The following HSPA4 variants were observed in gnomAD, a reference collection of about 807,000 sequenced individuals.
HSPA4 encodes heat shock 70 kDa protein 4.
Under a neutral mutation model 106.2 loss-of-function variants are expected in HSPA4, and 25 were observed. The ratio of observed to expected loss-of-function variants is 0.24; its 90% CI spans 0.17 to 0.33. HSPA4 has a LOEUF of 0.33. Ranked by LOEUF, HSPA4 falls within the 10% of genes least tolerant of loss-of-function variation. HSPA4 has a pLI of 1.00. For missense variants in HSPA4, 841 were observed against 996.0 expected, an observed-to-expected ratio of 0.84 and a Z score of 2.10; for synonymous variants, 332 against 333.6, an observed-to-expected ratio of 1.00 and a Z score of 0.05.
intron 1 of HSPA4, chr5:133,052,901 C>G (rs1408596427): frequency 6.5e-6 from 1 of 152,704 alleles, no homozygotes; most frequent in African/African-American, 2.4e-5. Context: ...GCACGGGTTC[C>G]GGATGGACTC....
intron 14 of HSPA4, among the ~76,000 whole-genome samples, chr5:133,096,932 G>A (rs1765719808): frequency 1.3e-5 from 2 of 151,874 alleles, no homozygotes; most frequent in South Asian, 2.1e-4. Context: ...TTGCTTTTGA[G>A]TGTCTACACC....
intron 2 of HSPA4, among the ~76,000 whole-genome samples, chr5:133,066,736 CTTTTTTTTT>C (rs58483780): frequency 5.4e-5 from 7 of 129,424 alleles, no homozygotes; most frequent in Non-Finnish European, 1.2e-4. Context: ...TTTCTTTTTT[CTTTTTTTTT>C]TTTTTTTTGA....
intron 1 of HSPA4, among the ~76,000 whole-genome samples, chr5:133,061,899 G>T (rs1765248952): frequency 6.6e-6 from 1 of 152,318 alleles, no homozygotes; most frequent in East Asian, 1.9e-4. Flanking sequence ...CTCCCTAAGT[G>T]CTGGGATTAC....
chr5:133,098,626 C>T (rs186531299), intron 15 of HSPA4, among the ~76,000 whole-genome samples: 1 of 151,286 alleles, frequency 6.6e-6, no homozygotes. Flanking sequence ...CCCGGTCTAC[C>T]ATGTTTTCTT....
chr5:133,093,410 A>G (rs1343379538), intron 13 of HSPA4, among the ~76,000 whole-genome samples: 1 of 152,204 alleles, frequency 6.6e-6, no homozygotes, highest in Non-Finnish European at 1.5e-5. Context: ...CTTTCTACCC[A>G]TAATTTAATT....
At chr5:133,067,009 GC>G (rs1765315819) in intron 2 of HSPA4, among the ~76,000 whole-genome samples, 1 of 152,108 alleles carries the variant, frequency 6.6e-6, no homozygotes, top group Non-Finnish European at 1.5e-5. Context: ...ATGACACCCG[GC>G]CTTAACTAGA....
chr5:133,065,465 G>A (rs1765295538), intron 2 of HSPA4, among the ~76,000 whole-genome samples: 2 of 152,168 alleles, frequency 1.3e-5, no homozygotes, highest in Non-Finnish European at 2.9e-5. Context: ...CTAATTCAAG[G>A]AGTGCCCTGG....
chr5:133,087,397 C>CT (rs148880703), intron 8 of HSPA4, among the ~76,000 whole-genome samples: 3,448 of 152,280 alleles, frequency 0.023, 128 homozygotes, highest in African/African-American at 0.075. Context: ...ATACTGTCAG[C>CT]TTGGCACAGG....
chr5:133,069,109 G>A (rs139969425), intron 3 of HSPA4, among the ~76,000 whole-genome samples: 28 of 152,280 alleles, frequency 1.8e-4, no homozygotes, highest in African/African-American at 5.8e-4. Flanking sequence ...ATTGTAATTT[G>A]GGAATATGGG....
In HSPA4 at chr5:133,076,567, A is replaced by G; in HGVS notation, c.664-87A>G. On this transcript the variant is annotated intron_variant, in intron 6 of 18. Coordinates refer to ENST00000304858, the MANE Select transcript of HSPA4 (RefSeq NM_002154.4). The stretch of plus-strand genomic sequence containing the variant: ...AATGTAACCCTCCCTCTTTTTTTTT[A>G]GATAAACAACTTACCAGGTAAATAT... 4 of 1,180,394 alleles carry G rather than the reference A, an allele frequency of 3.4e-6. No homozygotes were observed. The East Asian group carries it at 9.7e-5, about 29-fold the overall frequency. 73.1% of individuals were successfully genotyped at this position (1,180,394 alleles called of 1,614,324 possible).
chr5:133,098,932 G>A (rs563198085), intron 15 of HSPA4, among the ~76,000 whole-genome samples: 59 of 152,232 alleles, frequency 3.9e-4, no homozygotes, highest in African/African-American at 1.3e-3. Context: ...GCCTCCCAAA[G>A]TGCTGGGATT....
chr5:133,055,995 T>G (rs1327978887), intron 1 of HSPA4, among the ~76,000 whole-genome samples: 1 of 152,140 alleles, frequency 6.6e-6, no homozygotes, highest in Non-Finnish European at 1.5e-5. Context: ...GAAGAATCGC[T>G]TGAACCTGGT....
At chr5:133,082,562 T>G (rs1187701522) in intron 7 of HSPA4, among the ~76,000 whole-genome samples, 2 of 152,042 alleles carry the variant, frequency 1.3e-5, no homozygotes, top group African/African-American at 4.8e-5. Flanking sequence ...CTCTCTCGGG[T>G]TCTAGAGATC....
At chr5:133,097,136 AT>A in intron 14 of HSPA4, 24 bp from the exon 15 acceptor site, 1 of 1,592,978 alleles carries the variant, frequency 6.3e-7, no homozygotes, top group Non-Finnish European at 8.6e-7. Context: ...CTAATGTCTG[AT>A]TTATACATAA....
rs34412692 is a variant in HSPA4, at chr5:133,097,277, G to A, written c.1920G>A (p.Val640=). Residue 640 remains valine (V), a synonymous_variant, in exon 15 of 19, where the codon GTG becomes GTA. Transcript: ENST00000304858. ...TTAGTGGTGAATATGAGAAGTTTGTGAGTGAAGATGTAAGTCTGCCACAAT... is the reference window on the plus strand; with the variant it reads ...TTAGTGGTGAATATGAGAAGTTTGTAAGTGAAGATGTAAGTCTGCCACAAT... ...DKLSGEYEKF[V]SEDDRNSFTL... The A allele has an allele frequency of 2.7e-4, 441 of 1,612,608 alleles. 1 individual carries two copies. In the African/African-American group the frequency reaches 5.0e-3, roughly 18 times the overall value.
intron 1 of HSPA4, among the ~76,000 whole-genome samples, chr5:133,055,079 C>T (rs920850800): frequency 7.9e-5 from 12 of 152,250 alleles, no homozygotes; most frequent in Non-Finnish European, 1.5e-4. Context: ...AAATTTGCCT[C>T]AAAGACATTG....
intron 10 of HSPA4, 27 bp from the exon 11 acceptor site, chr5:133,089,535 G>C: frequency 6.2e-7 from 1 of 1,607,644 alleles, no homozygotes; most frequent in Non-Finnish European, 8.5e-7. Flanking sequence ...TCCTGAATTT[G>C]TGTTTTTGTC....
rs751681161 is a variant in HSPA4, at chr5:133,099,496, G to A, written c.1930-49G>A. Reference sequence around the variant, plus strand: ...ATATTCTATGCCTCTGACTGTATTGGGGATGTAATTTTTGATTGACCTAAT... The same window carrying A: ...ATATTCTATGCCTCTGACTGTATTGAGGATGTAATTTTTGATTGACCTAAT... On this transcript the variant is annotated intron_variant, in intron 15 of 18. Transcript: ENST00000304858. 9 of 934,880 alleles carry A rather than the reference G, an allele frequency of 9.6e-6. No homozygotes were observed. In the South Asian group the frequency reaches 1.3e-4, roughly 13 times the overall value. The allele number at this position is 934,880 out of a possible 1,614,324, so 57.9% of individuals were successfully genotyped here. A position where few individuals can be genotyped will look rare whatever the true frequency, so the allele number is the denominator to read the frequency against.
At chr5:133,102,761 A>G (rs551270556) in intron 17 of HSPA4, among the ~76,000 whole-genome samples, 7 of 152,038 alleles carry the variant, frequency 4.6e-5, no homozygotes, top group South Asian at 2.1e-4. Flanking sequence ...TGTTTTGACA[A>G]GTTCTCACTT....
Sources: gnomAD v4.1 joint callset for allele counts (sites outside exome capture counted in the v4.1 genomes callset) on GRCh38, gnomAD v4.1.1 for gene constraint, MANE v1.5 for transcripts, NCBI Gene and HGNC (gene_info 2026-07-23, HGNC 2026-07-21) for gene names.